PTPRT: variants seen among roughly 807,000 people sequenced by gnomAD.
The protein encoded by PTPRT is receptor-type tyrosine-protein phosphatase T.
A neutral mutation model predicts 176.8 loss-of-function variants in PTPRT; 56 were observed. That is an observed-to-expected ratio of 0.32 (90% CI 0.26 to 0.40). PTPRT has a LOEUF of 0.40. Ranked by LOEUF, PTPRT falls within the 10% of genes least tolerant of loss-of-function variation. The probability of loss-of-function intolerance (pLI) is 1.00; values close to 1 mark genes in which losing one functional copy is unlikely to be tolerated. For missense variants in PTPRT, 1,540 were observed against 1,908.2 expected (o/e 0.81, Z 3.60); for synonymous variants, 783 against 739.0 (o/e 1.06, Z -0.96).
chr20:42,571,097 T>C (rs2073145900), intron 7 of PTPRT, among the ~76,000 whole-genome samples: 2 of 152,322 alleles, frequency 1.3e-5, no homozygotes, highest in South Asian at 2.1e-4. Context: ...TCTTAGAACA[T>C]GGCCCATGCT....
At chr20:42,621,077 C>T (rs117208120) in intron 7 of PTPRT, among the ~76,000 whole-genome samples, 2,476 of 152,288 alleles carry the variant, frequency 0.016, 30 homozygotes, top group Non-Finnish European at 0.026. Flanking sequence ...CCAGGTCCCT[C>T]CCTCAACAAG....
At chr20:43,157,412 T>G (rs182639104) in intron 1 of PTPRT, among the ~76,000 whole-genome samples, 1 of 152,166 alleles carries the variant, frequency 6.6e-6, no homozygotes, top group East Asian at 1.9e-4. Context: ...TACATCTTAC[T>G]GGGGATGGGA....
chr20:42,715,480 A>AAATAAC (rs1411692193), intron 6 of PTPRT, among the ~76,000 whole-genome samples: 3 of 152,190 alleles, frequency 2.0e-5, no homozygotes, highest in African/African-American at 7.2e-5. Flanking sequence ...ATAAAAATAA[A>AAATAAC]AATCTGATGA....
chr20:42,704,354 C>G (rs2076019319), intron 6 of PTPRT, among the ~76,000 whole-genome samples: 1 of 151,708 alleles, frequency 6.6e-6, no homozygotes, highest in Admixed American at 6.6e-5. Context: ...TTCTCCCTCA[C>G]TACAATAAGT....
intron 2 of PTPRT, among the ~76,000 whole-genome samples, chr20:42,803,495 G>T (rs946621472): frequency 6.6e-6 from 1 of 152,238 alleles, no homozygotes; most frequent in Non-Finnish European, 1.5e-5. Context: ...GACAGGACAG[G>T]TTACCAGATT....
At chr20:42,746,826 T>G (rs2076697867) in intron 6 of PTPRT, among the ~76,000 whole-genome samples, 1 of 152,078 alleles carries the variant, frequency 6.6e-6, no homozygotes, top group Non-Finnish European at 1.5e-5. Flanking sequence ...GTAAGCTAAG[T>G]CTACCACAAA....
At chr20:42,224,323 C>T (rs1366413108) in intron 15 of PTPRT, among the ~76,000 whole-genome samples, 2 of 152,192 alleles carry the variant, frequency 1.3e-5, no homozygotes, top group Non-Finnish European at 1.5e-5. Flanking sequence ...AACGTATGTG[C>T]TCAGGGCATT....
chr20:42,482,691 G>A (rs1429221215), intron 7 of PTPRT, among the ~76,000 whole-genome samples: 3 of 152,102 alleles, frequency 2.0e-5, no homozygotes, highest in Non-Finnish European at 4.4e-5. Flanking sequence ...GTTGGGAAAG[G>A]CTTATGTCTA....
chr20:42,816,236 G>A (rs1287663465), intron 2 of PTPRT, among the ~76,000 whole-genome samples: 1 of 152,196 alleles, frequency 6.6e-6, no homozygotes, highest in Non-Finnish European at 1.5e-5. Context: ...ATAAAAGTAA[G>A]TAGTGGGGTG....
At chr20:42,426,022 T>C (rs1191099202) in intron 9 of PTPRT, among the ~76,000 whole-genome samples, 1 of 152,068 alleles carries the variant, frequency 6.6e-6, no homozygotes, top group African/African-American at 2.4e-5. Flanking sequence ...ACCCAAATGC[T>C]GGATTAAAGA....
At chr20:43,148,415 C>T (rs558974797) in intron 1 of PTPRT, among the ~76,000 whole-genome samples, 2 of 152,244 alleles carry the variant, frequency 1.3e-5, no homozygotes, top group African/African-American at 4.8e-5. Context: ...CTAGTTCTTG[C>T]CCCATGATTC....
chr20:42,710,876 C>A (rs988864264), intron 6 of PTPRT, among the ~76,000 whole-genome samples: 1 of 152,216 alleles, frequency 6.6e-6, no homozygotes, highest in Non-Finnish European at 1.5e-5. Flanking sequence ...GACAGGAATG[C>A]CCAAGGCCTT....
chr20:42,580,941 G>A (rs1472738272), intron 7 of PTPRT, among the ~76,000 whole-genome samples: 1 of 152,092 alleles, frequency 6.6e-6, no homozygotes, highest in African/African-American at 2.4e-5. Flanking sequence ...CCAACACTAT[G>A]TTGAATAGGA....
intron 13 of PTPRT, among the ~76,000 whole-genome samples, chr20:42,274,574 TG>T: frequency 7.0e-6 from 1 of 143,284 alleles, no homozygotes; most frequent in Non-Finnish European, 1.5e-5. Flanking sequence ...TGTGTGTGTG[TG>T]TGTGTGTGTG....
At chr20:43,109,825 A>T (rs2012783286) in intron 1 of PTPRT, among the ~76,000 whole-genome samples, 1 of 152,162 alleles carries the variant, frequency 6.6e-6, no homozygotes, top group African/African-American at 2.4e-5. Context: ...AGAGCTAAGT[A>T]TGTGCAAAGG....
chr20:42,872,911 A>G (rs933906387), intron 2 of PTPRT, among the ~76,000 whole-genome samples: 2 of 152,216 alleles, frequency 1.3e-5, no homozygotes, highest in African/African-American at 4.8e-5. Flanking sequence ...TTCCTTAGCC[A>G]CTAGGCAGAA....
the PTPRT span, among the ~76,000 whole-genome samples, chr20:42,052,994 G>A: frequency 7.9e-5 from 12 of 152,122 alleles, no homozygotes; most frequent in Non-Finnish European, 1.3e-4. Context: ...GTTGCAATGC[G>A]TCAACTCTGC....
chr20:42,932,395 C>T (rs1471971191), intron 1 of PTPRT, among the ~76,000 whole-genome samples: 2 of 152,138 alleles, frequency 1.3e-5, no homozygotes, highest in African/African-American at 4.8e-5. Flanking sequence ...AAAAGGTGGC[C>T]GGTGCTTATC....
rs761210664 is a variant in PTPRT at position 42,270,384 on chromosome 20, C to T, written c.2176+12105G>A. ...ACTCTCCCCTCCCACCCGCCCAGGG[C>T]TCTGGTGATCACCTGTGGTGAGGAG... is the stretch of plus-strand genomic sequence containing the variant. On this transcript the variant is annotated intron_variant, in intron 13 of 30. Transcript: ENST00000373187. 6.1e-4 allele frequency: 387 copies of T among 635,262 alleles called. 2 individuals carry two copies. The highest frequency in any genetic ancestry group is 2.8e-4 in the Non-Finnish European group (105 of 371,672). The allele number at this position is 635,262 out of a possible 1,614,324, so 39.4% of individuals were successfully genotyped here.
Sources: gnomAD v4.1 joint callset for allele counts (sites outside exome capture counted in the v4.1 genomes callset) on GRCh38, gnomAD v4.1.1 for gene constraint, MANE v1.5 for transcripts, NCBI Gene and HGNC (gene_info 2026-07-23, HGNC 2026-07-21) for gene names.